The following LSAMP variants were observed in gnomAD, a reference collection of about 807,000 sequenced individuals.
LSAMP encodes limbic system associated membrane protein, also known as limbic system-associated membrane protein.
In LSAMP, 7 loss-of-function variants were observed where a neutral mutation model predicts 38.6. That is an observed-to-expected ratio of 0.18 (90% CI 0.10 to 0.34). The LOEUF is 0.34. Among genes scored for constraint, LSAMP ranks in the 10% least tolerant of loss-of-function variants. LSAMP has a pLI of 1.00. For missense variants in LSAMP, 313 were observed against 420.0 expected, an observed-to-expected ratio of 0.75 and a Z score of 2.23; for synonymous variants, 154 against 166.8, an observed-to-expected ratio of 0.92 and a Z score of 0.59.
chr3:116,321,484 T>C (rs1242320197), intron 1 of LSAMP, among the ~76,000 whole-genome samples: 3 of 152,206 alleles, frequency 2.0e-5, no homozygotes, highest in Non-Finnish European at 2.9e-5. Context: ...AAGTAGCATA[T>C]TAGGGGCTTT....
chr3:116,210,570 G>T lies in LSAMP; in HGVS notation c.156-124014C>A, dbSNP rs547212172. Among the ~76,000 whole-genome samples, 6 of 152,284 alleles carry T rather than the reference G, an allele frequency of 3.9e-5. No homozygotes were observed. In the South Asian group the frequency reaches 1.2e-3, roughly 32 times the overall value. ...GCATCGTCGGCTTCCCTACTTTTGA[G>T]GTTTTGGGACTCGGACTGGCTTCCT... On this transcript the variant is annotated intron_variant, in intron 1 of 6. Coordinates refer to ENST00000490035, the MANE Select transcript of LSAMP (RefSeq NM_002338.5).
intron 3 of LSAMP, among the ~76,000 whole-genome samples, chr3:115,907,831 C>T (rs1238524229): frequency 1.3e-5 from 2 of 152,096 alleles, no homozygotes; most frequent in Non-Finnish European, 2.9e-5. Context: ...GTTGTATGCA[C>T]CAGCTATTGC....
At chr3:116,201,369 A>G (rs2045983876) in intron 1 of LSAMP, among the ~76,000 whole-genome samples, 1 of 152,206 alleles carries the variant, frequency 6.6e-6, no homozygotes, top group Non-Finnish European at 1.5e-5. Flanking sequence ...GAAGGCAGGG[A>G]CAGTGTCTTA....
chr3:116,292,270 T>A (rs1269784100), intron 1 of LSAMP, among the ~76,000 whole-genome samples: 4 of 152,166 alleles, frequency 2.6e-5, no homozygotes, highest in African/African-American at 9.7e-5. Flanking sequence ...TCATCTTTAA[T>A]CCTGGGTCTC....
In LSAMP at chr3:115,869,269, GGAGA is replaced by G. The variant is rs35112915; in HGVS notation, c.515-16656_515-16653del. Reference sequence around the variant, plus strand: ...CCTTCATAACCTCTATCTTGGAGGGGGAGAGAGAGAGAGAGAGAGAGAGAGAGAG... The same window carrying G: ...CCTTCATAACCTCTATCTTGGAGGGGGAGAGAGAGAGAGAGAGAGAGAGAG... On this transcript the variant is annotated intron_variant, in intron 3 of 6. Coordinates refer to ENST00000490035, the MANE Select transcript of LSAMP (RefSeq NM_002338.5). 5.1e-3 allele frequency among the ~76,000 whole-genome samples: 656 copies of G among 128,332 alleles called. 6 individuals carry two copies. The highest frequency in any genetic ancestry group is 0.038 in the Middle Eastern group (9 of 238). The allele number at this position is 128,332 out of a possible 152,430, so 84.2% of individuals were successfully genotyped here. A position where few individuals can be genotyped will look rare whatever the true frequency, so the allele number is the denominator to read the frequency against.
chr3:115,853,944 G>A (rs373036304), intron 3 of LSAMP, among the ~76,000 whole-genome samples: 3 of 152,044 alleles, frequency 2.0e-5, no homozygotes, highest in African/African-American at 4.8e-5. Context: ...CCAAATCAAC[G>A]TAACAGACAG....
chr3:115,842,680 G>A lies in LSAMP; in HGVS notation c.650-102C>T, dbSNP rs1021429901. Reference sequence around the variant, plus strand: ...GGACAATCTGATTAGAGAGAGGCAGGAAGGGAGCCATCTTAAAGCTCCATT... The same window carrying A: ...GGACAATCTGATTAGAGAGAGGCAGAAAGGGAGCCATCTTAAAGCTCCATT... On this transcript the variant is annotated intron_variant, in intron 4 of 6. Coordinates refer to ENST00000490035, the MANE Select transcript of LSAMP (RefSeq NM_002338.5). The A allele has an allele frequency of 1.9e-5, 27 of 1,451,334 alleles. No homozygotes were observed. The Admixed American group carries it at 3.8e-4, about 20-fold the overall frequency. The allele number at this position is 1,451,334 out of a possible 1,614,324, so 89.9% of individuals were successfully genotyped here.
chr3:115,882,319 A>C (rs557454304), intron 3 of LSAMP, among the ~76,000 whole-genome samples: 2 of 152,224 alleles, frequency 1.3e-5, no homozygotes, highest in South Asian at 4.1e-4. Flanking sequence ...TATTTTAATA[A>C]GATTTTTGCT....
chr3:116,085,347 A>C lies in LSAMP; in HGVS notation c.388+977T>G, dbSNP rs541131673. Among the ~76,000 whole-genome samples, 10 of 152,348 alleles carry C rather than the reference A, an allele frequency of 6.6e-5. 1 individual carries two copies. The East Asian group carries it at 1.5e-3, about 23-fold the overall frequency. On this transcript the variant is annotated intron_variant, in intron 2 of 6. Coordinates refer to ENST00000490035, the MANE Select transcript of LSAMP (RefSeq NM_002338.5). ...AGAGGAGTTGGGAGAGCAATAATTTAAACACTACAATAATCAATTCCATAA... is the reference window on the plus strand; with the variant it reads ...AGAGGAGTTGGGAGAGCAATAATTTCAACACTACAATAATCAATTCCATAA...
rs185531854 is a variant in LSAMP at position 116,209,859 on chromosome 3, C to T, written c.156-123303G>A. 1.4e-4 allele frequency among the ~76,000 whole-genome samples: 21 copies of T among 152,274 alleles called. No homozygotes were observed. In the East Asian group the frequency reaches 2.5e-3, roughly 18 times the overall value. ...CTCCGCCACCCGGGTTGACGCCGTT[C>T]TCCTGCCTTAGCCTCCGAGTAGCTG... is the stretch of plus-strand genomic sequence containing the variant. On this transcript the variant is annotated intron_variant, in intron 1 of 6. Coordinates refer to ENST00000490035, the MANE Select transcript of LSAMP (RefSeq NM_002338.5).
chr3:116,305,464 AACC>A (rs2047468925), intron 1 of LSAMP, among the ~76,000 whole-genome samples: 1 of 152,066 alleles, frequency 6.6e-6, no homozygotes, highest in Non-Finnish European at 1.5e-5. Flanking sequence ...CAAAAATGAC[AACC>A]TCTAGTCTCA....
At chr3:115,996,514 G>T (rs569590358) in intron 3 of LSAMP, among the ~76,000 whole-genome samples, 1 of 152,008 alleles carries the variant, frequency 6.6e-6, no homozygotes, top group African/African-American at 2.4e-5. Context: ...TAAATGTAAA[G>T]TTTTCCCCTT....
At chr3:116,160,243 T>TA (rs1709852018) in intron 1 of LSAMP, among the ~76,000 whole-genome samples, 1 of 152,064 alleles carries the variant, frequency 6.6e-6, no homozygotes, top group African/African-American at 2.4e-5. Flanking sequence ...CTACCAAAAA[T>TA]ACAAAAGTAG....
intron 1 of LSAMP, among the ~76,000 whole-genome samples, chr3:116,239,122 G>A (rs2046499804): frequency 6.6e-6 from 1 of 152,188 alleles, no homozygotes; most frequent in Non-Finnish European, 1.5e-5. Flanking sequence ...CTAGAATAAA[G>A]AGAATCTGTT....
At chr3:116,022,237 CTT>C (rs56287908) in intron 2 of LSAMP, among the ~76,000 whole-genome samples, 32,187 of 148,664 alleles carry the variant, frequency 0.22, 3,497 homozygotes, top group Admixed American at 0.27. Flanking sequence ...TTATTAACTT[CTT>C]TTTTTTTTTT....
intron 3 of LSAMP, among the ~76,000 whole-genome samples, chr3:115,905,216 AG>A (rs927322481): frequency 1.3e-5 from 2 of 152,116 alleles, no homozygotes; most frequent in African/African-American, 2.4e-5. Flanking sequence ...TTTAAGTCAG[AG>A]TCTGTCTCTA....
chr3:116,275,586 C>T (rs1159960875), intron 1 of LSAMP, among the ~76,000 whole-genome samples: 1 of 151,610 alleles, frequency 6.6e-6, no homozygotes, highest in Non-Finnish European at 1.5e-5. Context: ...TTTTTTTAAA[C>T]CTCACTCTTT....
Position 116,396,358 on chromosome 3 carries a change from G to A in LSAMP, c.155+48519C>T, listed in dbSNP as rs74947984. On this transcript the variant is annotated intron_variant, in intron 1 of 6. Transcript: ENST00000490035. ...CTTACTTCTTCTGGGCCTGGGATTC[G>A]CCTCTTTTTTGTAACTACTAAAATT... 3.3e-3 allele frequency among the ~76,000 whole-genome samples: 505 copies of A among 152,160 alleles called. 4 individuals carry two copies. Among genetic ancestry groups the A allele is most frequent in the African/African-American group, 0.011 (442 of 41,514 alleles).
In LSAMP at chr3:116,334,085, T is replaced by TA. The variant is rs570717762; in HGVS notation, c.155+110791dup. 2.7e-3 allele frequency among the ~76,000 whole-genome samples: 402 copies of TA among 151,458 alleles called. 5 individuals are homozygous for TA. Among genetic ancestry groups the TA allele is most frequent in the African/African-American group, 9.3e-3 (384 of 41,378 alleles). On this transcript the variant is annotated intron_variant, in intron 1 of 6. Transcript: ENST00000490035. ...GACATTACTATTGATTCTACAGAAA[T>TA]AAAAAAAATTAGAAGTCAATACTAT...
Sources: gnomAD v4.1 joint callset for allele counts (sites outside exome capture counted in the v4.1 genomes callset) on GRCh38, gnomAD v4.1.1 for gene constraint, MANE v1.5 for transcripts, NCBI Gene and HGNC (gene_info 2026-07-23, HGNC 2026-07-21) for gene names.